Variants in TAF1 observed in about 807,000 individuals in gnomAD.
TAF1 encodes the protein TATA-box binding protein associated factor 1, also known as transcription initiation factor TFIID subunit 1.
A neutral mutation model predicts 138.5 loss-of-function variants in TAF1; 2 were observed. That is an observed-to-expected ratio of 0.01 (90% CI 0.01 to 0.05). TAF1 has a LOEUF of 0.05. Among genes scored for constraint, TAF1 ranks in the 10% least tolerant of loss-of-function variants. TAF1 has a pLI of 1.00. For synonymous variants in TAF1, 437 were observed against 503.2 expected (o/e 0.87, Z 1.76); for missense variants, 709 against 1,478.0 (o/e 0.48, Z 8.53).
At chrX:71,476,825 C>T (rs1006105008) in intron 13 of TAF1, among the ~76,000 whole-genome samples, 16 of 111,045 alleles carry the variant, frequency 1.4e-4, no homozygotes, top group Admixed American at 9.7e-5. Context: ...ATAAACAGTG[C>T]TAGATCAGTT....
intron 28 of TAF1, among the ~76,000 whole-genome samples, chrX:71,412,779 G>A (rs1038475374): frequency 5.3e-5 from 6 of 112,201 alleles, no homozygotes; most frequent in African/African-American, 1.9e-4. Context: ...AAGTAGAGAC[G>A]GTTTCACTGT....
At chrX:71,467,177 G>T (rs1390096619), downstream of TAF1, among the ~76,000 whole-genome samples, 5 of 106,201 alleles carry the variant, frequency 4.7e-5, no homozygotes, top group East Asian at 5.9e-4. Context: ...ATAGTGGAGA[G>T]AAGGTGGGCA....
At chrX:71,430,831 A>G (rs1270467294) in intron 32 of TAF1, among the ~76,000 whole-genome samples, 1 of 110,954 alleles carries the variant, frequency 9.0e-6, no homozygotes, top group Non-Finnish European at 1.9e-5. Context: ...AATGACCTCC[A>G]AAATTCTGAC....
chrX:71,441,208 A>G (rs1345226449), intron 32 of TAF1, among the ~76,000 whole-genome samples: 1 of 109,861 alleles, frequency 9.1e-6, no homozygotes, highest in Non-Finnish European at 1.9e-5. Context: ...TGGTGAAGTG[A>G]CTGTTCATTT....
chrX:71,379,859 C>T (rs1174010888), intron 8 of TAF1, among the ~76,000 whole-genome samples: 1 of 111,591 alleles, frequency 9.0e-6, no homozygotes, highest in Non-Finnish European at 1.9e-5. Flanking sequence ...GCCTCAGCCT[C>T]CCAAAGTGCT....
chrX:71,527,317 C>T (rs1446719820), intron 13 of TAF1, among the ~76,000 whole-genome samples: 1 of 102,069 alleles, frequency 9.8e-6, no homozygotes, highest in Non-Finnish European at 2.0e-5. Context: ...ACCTGAGAGG[C>T]GGAGGTTGCA....
chrX:71,371,242 C>T (rs1408434307), intron 3 of TAF1, among the ~76,000 whole-genome samples: 2 of 111,705 alleles, frequency 1.8e-5, no homozygotes, highest in Non-Finnish European at 3.8e-5. Flanking sequence ...TTCTCTTGTC[C>T]TCTAGGGGTG....
intron 13 of TAF1, among the ~76,000 whole-genome samples, chrX:71,503,298 GTATATATA>G (rs1161129315): frequency 5.0e-5 from 4 of 80,289 alleles, no homozygotes; most frequent in African/African-American, 1.0e-4. Flanking sequence ...ATATATATGT[GTATATATA>G]TATATATATA....
At chrX:71,420,756 G>T (rs1409667026) in intron 28 of TAF1, among the ~76,000 whole-genome samples, 3 of 113,005 alleles carry the variant, frequency 2.7e-5, no homozygotes, top group African/African-American at 9.6e-5. Context: ...CTCCCGTGGG[G>T]GTGGGGGGCG....
At chrX:71,452,098 GC>G (rs1182830686) in intron 32 of TAF1, among the ~76,000 whole-genome samples, 1 of 99,762 alleles carries the variant, frequency 1.0e-5, no homozygotes, top group Non-Finnish European at 2.0e-5. Context: ...GGCTGGCCGG[GC>G]GGGGGGCTGA....
At chrX:71,436,217 T>G (rs2037134257) in intron 32 of TAF1, among the ~76,000 whole-genome samples, 1 of 96,356 alleles carries the variant, frequency 1.0e-5, no homozygotes, top group Non-Finnish European at 2.1e-5. Flanking sequence ...CCGGCTAATT[T>G]TTTTTTTTTT....
At chrX:71,513,136 C>A (rs191325415) in intron 13 of TAF1, among the ~76,000 whole-genome samples, 7 of 111,850 alleles carry the variant, frequency 6.3e-5, no homozygotes, top group African/African-American at 1.6e-4. Context: ...GGAATTGGCA[C>A]CTGATTAAGA....
chrX:71,453,185 A>G (rs183258138), intron 32 of TAF1, among the ~76,000 whole-genome samples: 7 of 111,453 alleles, frequency 6.3e-5, no homozygotes, highest in Admixed American at 5.7e-4. Context: ...GCTTTAGTTC[A>G]TGGCAAAATT....
intron 13 of TAF1, among the ~76,000 whole-genome samples, chrX:71,512,159 C>CA (rs1328742025): frequency 1.1e-4 from 12 of 110,005 alleles, no homozygotes; most frequent in Admixed American, 1.9e-4. Context: ...CTAAAAAATA[C>CA]AAAAAATTAG....
At chrX:71,484,193 G>A (rs2039131055) in intron 13 of TAF1, among the ~76,000 whole-genome samples, 1 of 110,883 alleles carries the variant, frequency 9.0e-6, no homozygotes, top group African/African-American at 3.3e-5. Context: ...AACATCCTAT[G>A]GATAGACATT....
intron 13 of TAF1, among the ~76,000 whole-genome samples, chrX:71,496,829 C>T (rs928953445): frequency 2.7e-5 from 3 of 111,408 alleles, no homozygotes; most frequent in African/African-American, 6.5e-5. Context: ...CTCTCCCCCC[C>T]AACCCTTTGA....
downstream of TAF1, among the ~76,000 whole-genome samples, chrX:71,469,045 G>A (rs2038829986): frequency 8.9e-6 from 1 of 112,207 alleles, no homozygotes; most frequent in South Asian, 3.7e-4. Context: ...GCTCACGCCT[G>A]TAATCCCAGC....
intron 32 of TAF1, among the ~76,000 whole-genome samples, chrX:71,443,393 A>T (rs773533609): frequency 2.2e-4 from 25 of 111,249 alleles, no homozygotes; most frequent in Non-Finnish European, 4.5e-4. Context: ...TGTAAGTTGG[A>T]TTCCTAGGTA....
chrX:71,367,795 T>A (rs1243085437), intron 2 of TAF1, among the ~76,000 whole-genome samples, 182 bp downstream of exon 2: 1 of 111,795 alleles, frequency 8.9e-6, no homozygotes, highest in Non-Finnish European at 1.9e-5. Context: ...CTCAGCCTCC[T>A]GAGTAGCTGG....
Sources: gnomAD v4.1 joint callset for allele counts (sites outside exome capture counted in the v4.1 genomes callset) on GRCh38, gnomAD v4.1.1 for gene constraint, MANE v1.5 for transcripts, NCBI Gene and HGNC (gene_info 2026-07-23, HGNC 2026-07-21) for gene names.